Variants in CACNA1C observed in about 807,000 individuals in gnomAD.
The protein encoded by CACNA1C is voltage-dependent L-type calcium channel subunit alpha-1C.
In CACNA1C, 30 loss-of-function variants were observed where a neutral mutation model predicts 229.0. The observed-to-expected ratio is 0.13, with a 90% CI of 0.10 to 0.18. The LOEUF (loss-of-function observed/expected upper bound fraction) is 0.18. CACNA1C is among the 10% of genes least tolerant of loss of function. The pLI is 1.00. For missense variants in CACNA1C, 1,658 were observed against 2,845.0 expected, an observed-to-expected ratio of 0.58 and a Z score of 9.49; for synonymous variants, 1,114 against 1,132.5, an observed-to-expected ratio of 0.98 and a Z score of 0.33.
At chr12:2,606,709 C>G in intron 25 of CACNA1C, 46 bp downstream of exon 25, 1 of 1,550,668 alleles carries the variant, frequency 6.4e-7, no homozygotes, top group Non-Finnish European at 8.8e-7. Context: ...CGGTCAGCCC[C>G]AGGAGGCTGG....
At chr12:2,299,297 A>C (rs1459820555) in intron 3 of CACNA1C, among the ~76,000 whole-genome samples, 1 of 151,926 alleles carries the variant, frequency 6.6e-6, no homozygotes, top group African/African-American at 2.4e-5. Context: ...TTTGTTTTTT[A>C]AGTTTTCCAA....
In CACNA1C at chr12:2,061,487, C is replaced by T. The variant is rs377396798; in HGVS notation, c.49+7876C>T. 1.5e-4 allele frequency among the ~76,000 whole-genome samples: 23 copies of T among 152,258 alleles called. No homozygotes were observed. The South Asian group carries it at 4.6e-3, about 30-fold the overall frequency. ...GAGATGGGCCTGGTATTTTGCCCTC[C>T]AGAGAGTCTAGGAGCCTGTGGCCAG... On this transcript the variant is annotated intron_variant, in intron 1 of 46. Coordinates refer to ENST00000399655, the MANE Select transcript of CACNA1C (RefSeq NM_000719.7).
At chr12:2,309,604 T>G (rs555995624) in intron 3 of CACNA1C, among the ~76,000 whole-genome samples, 21 of 152,228 alleles carry the variant, frequency 1.4e-4, no homozygotes, top group Non-Finnish European at 2.1e-4. Context: ...ATATATACAA[T>G]TTTTTAATTT....
At chr12:2,588,980 T>A (rs769170994) in intron 18 of CACNA1C, among the ~76,000 whole-genome samples, 1 of 151,246 alleles carries the variant, frequency 6.6e-6, no homozygotes, top group Non-Finnish European at 1.5e-5. Flanking sequence ...GGTGGTGGAG[T>A]CTGGGGGCTT....
intron 3 of CACNA1C, among the ~76,000 whole-genome samples, chr12:2,136,428 C>T (rs117989606): frequency 0.012 from 1,885 of 151,470 alleles, 92 homozygotes; most frequent in Non-Finnish European, 0.02. Context: ...GCTGGGATTC[C>T]AGCCTGGGTG....
intron 1 of CACNA1C, among the ~76,000 whole-genome samples, chr12:2,097,301 A>G (rs565168295): frequency 5.3e-5 from 8 of 151,906 alleles, no homozygotes; most frequent in Middle Eastern, 3.4e-3. Flanking sequence ...GCCTGCCACC[A>G]CGCCCAGCTA....
At chr12:2,209,976 AAC>A (rs557787891) in intron 3 of CACNA1C, among the ~76,000 whole-genome samples, 25 of 152,346 alleles carry the variant, frequency 1.6e-4, no homozygotes, top group Admixed American at 1.4e-3. Context: ...AAAATTCAGT[AAC>A]ACATGCCAGA....
chr12:2,294,047 G>T (rs1028416362), intron 3 of CACNA1C, among the ~76,000 whole-genome samples: 1 of 152,152 alleles, frequency 6.6e-6, no homozygotes, highest in East Asian at 1.9e-4. Flanking sequence ...GTTATTCAAA[G>T]GAAGACGAGA....
chr12:2,446,069 G>A (rs2099274480), intron 3 of CACNA1C, among the ~76,000 whole-genome samples: 1 of 151,720 alleles, frequency 6.6e-6, no homozygotes, highest in Non-Finnish European at 1.5e-5. Context: ...GAGTGGATGA[G>A]TAGATGGATG....
chr12:2,376,429 T>C (rs183945579), intron 3 of CACNA1C, among the ~76,000 whole-genome samples: 1 of 152,250 alleles, frequency 6.6e-6, no homozygotes, highest in East Asian at 1.9e-4. Context: ...GATGGTGTCT[T>C]ACCCACCTTT....
chr12:2,188,789 C>T (rs1187461467), intron 3 of CACNA1C, among the ~76,000 whole-genome samples: 1 of 152,038 alleles, frequency 6.6e-6, no homozygotes, highest in Non-Finnish European at 1.5e-5. Flanking sequence ...TGCCCCAAAT[C>T]CTTTAGAAGA....
intron 9 of CACNA1C, among the ~76,000 whole-genome samples, chr12:2,537,605 C>A (rs1413758364): frequency 6.6e-6 from 1 of 152,222 alleles, no homozygotes; most frequent in Non-Finnish European, 1.5e-5. Flanking sequence ...TATCCCTTTC[C>A]AATCATACCA....
intron 1 of CACNA1C, among the ~76,000 whole-genome samples, chr12:2,047,482 GCT>G (rs2051280848): frequency 6.6e-6 from 1 of 152,186 alleles, no homozygotes; most frequent in Non-Finnish European, 1.5e-5. Flanking sequence ...GCAGAACCTG[GCT>G]CTGTGTCTGG....
chr12:2,576,374 A>G (rs1310753955), intron 13 of CACNA1C, among the ~76,000 whole-genome samples: 1 of 152,150 alleles, frequency 6.6e-6, no homozygotes, highest in Non-Finnish European at 1.5e-5. Context: ...ACAGTACTGA[A>G]TGTGAGCTTG....
intron 3 of CACNA1C, among the ~76,000 whole-genome samples, chr12:2,170,685 G>GC (rs2096440064): frequency 6.6e-6 from 1 of 152,238 alleles, no homozygotes; most frequent in Non-Finnish European, 1.5e-5. Flanking sequence ...GGGCTGGTAG[G>GC]CCATGGAGTG....
intron 3 of CACNA1C, among the ~76,000 whole-genome samples, chr12:2,188,380 C>G (rs2097108950): frequency 6.6e-6 from 1 of 152,062 alleles, no homozygotes; most frequent in African/African-American, 2.4e-5. Flanking sequence ...GATCGAGATG[C>G]ATTTGACTAG....
At chr12:2,528,678 A>G (rs971171642) in intron 9 of CACNA1C, among the ~76,000 whole-genome samples, 1 of 152,226 alleles carries the variant, frequency 6.6e-6, no homozygotes, top group Non-Finnish European at 1.5e-5. Context: ...GAGATGGAAG[A>G]GCAGGTCTCA....
chr12:1,973,523 G>A (rs1453955344), intron 1 of CACNA1C, among the ~76,000 whole-genome samples: 1 of 152,086 alleles, frequency 6.6e-6, no homozygotes, highest in East Asian at 1.9e-4. Flanking sequence ...TAATCTTTTA[G>A]AAAGTTTTAA....
At chr12:2,105,071 C>T (rs1046275005) in intron 1 of CACNA1C, among the ~76,000 whole-genome samples, 2 of 152,208 alleles carry the variant, frequency 1.3e-5, no homozygotes, top group African/African-American at 4.8e-5. Flanking sequence ...TGCTTCCAGG[C>T]GTTCCTTACG....
Sources: allele counts gnomAD v4.1 joint callset (sites outside exome capture counted in the v4.1 genomes callset), GRCh38; gene constraint gnomAD v4.1.1; transcripts MANE v1.5; gene names NCBI Gene and HGNC (gene_info 2026-07-23, HGNC 2026-07-21).